Variants in FGF12 observed in about 807,000 individuals in gnomAD.
The protein encoded by FGF12 is fibroblast growth factor 12B.
FGF12 carries 14 observed loss-of-function variants against 23.6 expected under a neutral mutation model. The ratio of observed to expected loss-of-function variants is 0.59; its 90% CI spans 0.39 to 0.93. The LOEUF is 0.93. Among genes scored for constraint, FGF12 ranks in the 40% least tolerant of loss-of-function variants. The pLI, the probability that FGF12 is intolerant of heterozygous loss-of-function variation, is 0.00. For missense variants in FGF12, 175 were observed against 217.8 expected, an observed-to-expected ratio of 0.80 and a Z score of 1.24; for synonymous variants, 62 against 77.3, an observed-to-expected ratio of 0.80 and a Z score of 1.04.
At chr3:192,633,348 T>C (rs1011025616) in intron 2 of FGF12, among the ~76,000 whole-genome samples, 1 of 152,074 alleles carries the variant, frequency 6.6e-6, no homozygotes, top group Non-Finnish European at 1.5e-5. Context: ...GCCCGGCCTC[T>C]CCTCGTCTTA....
intron 2 of FGF12, among the ~76,000 whole-genome samples, chr3:192,722,855 C>T (rs1719083098): frequency 6.6e-6 from 1 of 152,138 alleles, no homozygotes; most frequent in Admixed American, 6.5e-5. Flanking sequence ...TCAGAGATTG[C>T]ATCTTAGTTT....
intron 2 of FGF12, among the ~76,000 whole-genome samples, chr3:192,629,319 A>G (rs894989235): frequency 4.6e-5 from 7 of 152,216 alleles, no homozygotes; most frequent in African/African-American, 1.7e-4. Flanking sequence ...CTTGTCCTGC[A>G]TTACTGCAGA....
At chr3:192,290,880 A>T (rs1271387981) in intron 4 of FGF12, among the ~76,000 whole-genome samples, 1 of 152,168 alleles carries the variant, frequency 6.6e-6, no homozygotes, top group Non-Finnish European at 1.5e-5. Flanking sequence ...CTATAAAGTT[A>T]TTTACTTCAA....
intron 2 of FGF12, among the ~76,000 whole-genome samples, chr3:192,384,396 G>T (rs1719954252): frequency 1.3e-5 from 2 of 152,080 alleles, no homozygotes; most frequent in Admixed American, 6.6e-5. Context: ...AGAGAAGAGG[G>T]GATGAAAGGT....
At chr3:192,486,898 A>C (rs138053473) in intron 2 of FGF12, among the ~76,000 whole-genome samples, 1,868 of 152,236 alleles carry the variant, frequency 0.012, 32 homozygotes, top group African/African-American at 0.043. Context: ...TGTGTTTACA[A>C]GTGTGTTTTA....
intron 4 of FGF12, among the ~76,000 whole-genome samples, chr3:192,176,227 TTCTC>T (rs1410706056): frequency 5.9e-5 from 9 of 152,344 alleles, no homozygotes; most frequent in East Asian, 1.9e-4. Flanking sequence ...GCTCAAGCTG[TTCTC>T]TCTGTTTCTC....
At chr3:192,510,902 A>G (rs1431677913) in intron 2 of FGF12, among the ~76,000 whole-genome samples, 1 of 152,224 alleles carries the variant, frequency 6.6e-6, no homozygotes, top group Non-Finnish European at 1.5e-5. Context: ...TTCCAACCAT[A>G]TGGCATTCTA....
At chr3:192,392,050 G>A (rs1350840037) in intron 2 of FGF12, among the ~76,000 whole-genome samples, 1 of 152,182 alleles carries the variant, frequency 6.6e-6, no homozygotes, top group Non-Finnish European at 1.5e-5. Flanking sequence ...CCGACTTGCT[G>A]AATCAGAATC....
At chr3:192,257,641 T>G (rs1223296164) in intron 4 of FGF12, among the ~76,000 whole-genome samples, 1 of 152,170 alleles carries the variant, frequency 6.6e-6, no homozygotes, top group African/African-American at 2.4e-5. Context: ...TTTTGCTGAT[T>G]GGTTGAGTTA....
chr3:192,411,244 T>A (rs111733046), intron 2 of FGF12, among the ~76,000 whole-genome samples: 4 of 151,866 alleles, frequency 2.6e-5, no homozygotes, highest in African/African-American at 9.7e-5. Flanking sequence ...CAAGCAGGAG[T>A]CTAACACCCT....
At chr3:192,255,833 A>T (rs1010441196) in intron 4 of FGF12, among the ~76,000 whole-genome samples, 2 of 152,058 alleles carry the variant, frequency 1.3e-5, no homozygotes, top group African/African-American at 4.8e-5. Flanking sequence ...AAGTCTATGG[A>T]ACATCTCCAG....
chr3:192,681,951 G>T (rs928099380), intron 2 of FGF12, among the ~76,000 whole-genome samples: 2 of 152,152 alleles, frequency 1.3e-5, no homozygotes, highest in African/African-American at 2.4e-5. Context: ...ATTCCATAGT[G>T]TCAGATTGGG....
intron 2 of FGF12, among the ~76,000 whole-genome samples, chr3:192,649,324 T>C (rs1336429602): frequency 6.6e-6 from 1 of 152,150 alleles, no homozygotes; most frequent in African/African-American, 2.4e-5. Flanking sequence ...TGGTAATGTC[T>C]ATTCAATGGG....
intron 4 of FGF12, among the ~76,000 whole-genome samples, chr3:192,216,048 A>T (rs745780530): frequency 6.6e-6 from 1 of 152,168 alleles, no homozygotes; most frequent in African/African-American, 2.4e-5. Context: ...GACCCTAGGA[A>T]TATAGTTCAC....
At chr3:192,537,827 G>A (rs979868193) in intron 2 of FGF12, among the ~76,000 whole-genome samples, 10 of 152,034 alleles carry the variant, frequency 6.6e-5, no homozygotes, top group Non-Finnish European at 1.2e-4. Context: ...CTTTTGGTCT[G>A]GTTGCCTGTG....
intron 4 of FGF12, among the ~76,000 whole-genome samples, chr3:192,273,864 T>A (rs1271051114): frequency 6.6e-6 from 1 of 151,734 alleles, no homozygotes; most frequent in East Asian, 1.9e-4. Flanking sequence ...CTCAGTGGAC[T>A]GATTCAAGGA....
At chr3:192,398,925 T>A in intron 2 of FGF12, among the ~76,000 whole-genome samples, 1 of 152,110 alleles carries the variant, frequency 6.6e-6, no homozygotes, top group Non-Finnish European at 1.5e-5. Flanking sequence ...AGGATGTCAT[T>A]TCCTCATTGA....
At chr3:192,365,183 A>G (rs544096556) in intron 2 of FGF12, among the ~76,000 whole-genome samples, 7 of 152,088 alleles carry the variant, frequency 4.6e-5, no homozygotes, top group Admixed American at 4.6e-4. Flanking sequence ...TATGCATCAT[A>G]GGCCCGTTTC....
At chr3:192,577,316 G>C (rs1712951125) in intron 2 of FGF12, among the ~76,000 whole-genome samples, 1 of 152,208 alleles carries the variant, frequency 6.6e-6, no homozygotes. Context: ...CTTTTGAACT[G>C]TGAGCATATT....
Sources: gnomAD v4.1 joint callset for allele counts (sites outside exome capture counted in the v4.1 genomes callset) on GRCh38, gnomAD v4.1.1 for gene constraint, MANE v1.5 for transcripts, NCBI Gene and HGNC (gene_info 2026-07-23, HGNC 2026-07-21) for gene names.